The following SHISAL2B variants were observed in gnomAD, a reference collection of about 807,000 sequenced individuals.
SHISAL2B encodes the protein protein shisa-like-2B.
SHISAL2B carries 12 observed loss-of-function variants against 16.5 expected under a neutral mutation model. The ratio of observed to expected loss-of-function variants is 0.73; its 90% CI spans 0.47 to 1.18. The LOEUF (loss-of-function observed/expected upper bound fraction) is 1.18. Among genes scored for constraint, SHISAL2B ranks in the 50% most tolerant of loss-of-function variants. SHISAL2B has a pLI of 0.00. For missense variants in SHISAL2B, 183 were observed against 193.6 expected, an observed-to-expected ratio of 0.95 and a Z score of 0.33; for synonymous variants, 72 against 75.0, an observed-to-expected ratio of 0.96 and a Z score of 0.21.
chr5:64,717,538 T>C (rs1742074603), intron 2 of SHISAL2B, among the ~76,000 whole-genome samples: 1 of 152,202 alleles, frequency 6.6e-6, no homozygotes, highest in Non-Finnish European at 1.5e-5. Context: ...GTTACTATGA[T>C]TGGCTTTAGT....
At chr5:64,697,928 G>A (rs1741761738) in intron 2 of SHISAL2B, among the ~76,000 whole-genome samples, 2 of 152,190 alleles carry the variant, frequency 1.3e-5, no homozygotes, top group Non-Finnish European at 2.9e-5. Flanking sequence ...AGATCTCTCA[G>A]AGGGTATCCT....
chr5:64,690,513 T>G lies in SHISAL2B; in HGVS notation c.-111T>G. The G allele has an allele frequency of 1.2e-6, 1 of 838,660 alleles. No individual in the cohort carries two copies. The highest frequency in any genetic ancestry group is 3.0e-5 in the South Asian group (1 of 33,690). 52.0% of individuals were successfully genotyped at this position (838,660 alleles called of 1,614,324 possible). On this transcript the variant is annotated 5_prime_UTR_variant, in exon 1 of 3. Coordinates refer to ENST00000389074, the MANE Select transcript of SHISAL2B (RefSeq NM_001164442.2). ...AGCGCCCAGGCAGCCAGAGCCCAGA[T>G]CGGAAGAGCCGAGTCCGGGCAGAGG... is the stretch of plus-strand genomic sequence containing the variant.
chr5:64,696,485 G>A (rs1741737566), intron 2 of SHISAL2B, among the ~76,000 whole-genome samples: 1 of 152,140 alleles, frequency 6.6e-6, no homozygotes. Context: ...TTCTTGCAGA[G>A]AGCCTATAAA....
intron 2 of SHISAL2B, among the ~76,000 whole-genome samples, chr5:64,716,185 TTCAC>T (rs1304422138): frequency 6.6e-6 from 1 of 152,246 alleles, no homozygotes; most frequent in Admixed American, 6.5e-5. Flanking sequence ...GGTCACTTTC[TTCAC>T]TCACTAAAAG....
intron 2 of SHISAL2B, among the ~76,000 whole-genome samples, chr5:64,710,846 G>A: frequency 1.3e-5 from 1 of 79,126 alleles, no homozygotes; most frequent in Non-Finnish European, 2.3e-5. Flanking sequence ...TTTGTCTGTT[G>A]TTGGTGTATA....
At chr5:64,705,891 G>T (rs916879271) in intron 2 of SHISAL2B, among the ~76,000 whole-genome samples, 1 of 152,148 alleles carries the variant, frequency 6.6e-6, no homozygotes, top group Non-Finnish European at 1.5e-5. Context: ...GGGTGCAGTG[G>T]CTCACACCTG....
chr5:64,708,275 A>C (rs929499083), intron 2 of SHISAL2B, among the ~76,000 whole-genome samples: 1 of 152,142 alleles, frequency 6.6e-6, no homozygotes, highest in Non-Finnish European at 1.5e-5. Context: ...TCTCTTTTGC[A>C]CTTCTGGGGA....
intron 2 of SHISAL2B, among the ~76,000 whole-genome samples, chr5:64,696,563 C>G (rs995973349): frequency 5.9e-5 from 9 of 152,086 alleles, no homozygotes; most frequent in Non-Finnish European, 1.3e-4. Context: ...AATTAAGACC[C>G]TGGGAAAGGA....
chr5:64,714,119 T>C (rs9647526), intron 2 of SHISAL2B, among the ~76,000 whole-genome samples: 3 of 151,268 alleles, frequency 2.0e-5, no homozygotes, highest in South Asian at 4.2e-4. Context: ...AGGTGCTCTG[T>C]GTTTTAGAGT....
chr5:64,699,689 G>A (rs1341421557), intron 2 of SHISAL2B, among the ~76,000 whole-genome samples: 2 of 152,070 alleles, frequency 1.3e-5, no homozygotes, highest in Admixed American at 6.6e-5. Flanking sequence ...TTCATTATAG[G>A]AAATCTGAAT....
At chr5:64,703,980 CA>C (rs1272486774) in intron 2 of SHISAL2B, among the ~76,000 whole-genome samples, 2 of 151,880 alleles carry the variant, frequency 1.3e-5, no homozygotes, top group African/African-American at 4.8e-5. Context: ...CATCCTCTTA[CA>C]AATAAAAAAA....
chr5:64,714,706 G>A (rs1234485011), intron 2 of SHISAL2B, among the ~76,000 whole-genome samples: 4 of 152,188 alleles, frequency 2.6e-5, no homozygotes, highest in Admixed American at 6.5e-5. Context: ...CGTGGGCGTA[G>A]GACCCTCTGA....
Position 64,699,280 on chromosome 5 carries a change from T to C in SHISAL2B, c.349+3616T>C, listed in dbSNP as rs530687544. Among the ~76,000 whole-genome samples, 3 of 152,354 alleles carry C rather than the reference T, an allele frequency of 2.0e-5. No individual in the cohort carries two copies. In the South Asian group the frequency reaches 6.2e-4, roughly 32 times the overall value. ...TTCAAATGAGGTGATTTTGGTCTCT[T>C]GCATTGATTTTAACCAAATTAGATA... is the stretch of plus-strand genomic sequence containing the variant. On this transcript the variant is annotated intron_variant, in intron 2 of 2. Transcript: ENST00000389074.
At chr5:64,715,046 C>A (rs547067377) in intron 2 of SHISAL2B, among the ~76,000 whole-genome samples, 1 of 152,070 alleles carries the variant, frequency 6.6e-6, no homozygotes, top group Admixed American at 6.5e-5. Flanking sequence ...TGTTACTATT[C>A]GGCCATCTTG....
intron 2 of SHISAL2B, among the ~76,000 whole-genome samples, chr5:64,715,060 C>T (rs964053998): frequency 1.3e-5 from 2 of 152,040 alleles, no homozygotes; most frequent in Admixed American, 6.5e-5. Context: ...CATCTTGGCT[C>T]CCCCCACCGA....
At chr5:64,712,634 TG>T (rs1231006810) in intron 2 of SHISAL2B, among the ~76,000 whole-genome samples, 1 of 151,604 alleles carries the variant, frequency 6.6e-6, no homozygotes, top group Non-Finnish European at 1.5e-5. Context: ...ATGTTGACAG[TG>T]GGGTGTTAAA....
At position 64,690,533 on chromosome 5, in the gene SHISAL2B, C is replaced by T; in HGVS notation, c.-91C>T. ...CCAGATCGGAAGAGCCGAGTCCGGG[C>T]AGAGGGGTCCGCGGGCTCTGGAGGT... On this transcript the variant is annotated 5_prime_UTR_variant, in exon 1 of 3. Coordinates refer to ENST00000389074, the MANE Select transcript of SHISAL2B (RefSeq NM_001164442.2). 8.9e-7 allele frequency: 1 copy of T among 1,118,184 alleles called. No individual in the cohort carries two copies. The highest frequency in any genetic ancestry group is 1.2e-6 in the Non-Finnish European group (1 of 836,310). 69.3% of individuals were successfully genotyped at this position (1,118,184 alleles called of 1,614,324 possible). A position where few individuals can be genotyped will look rare whatever the true frequency, so the allele number is the denominator to read the frequency against.
At chr5:64,709,626 A>G (rs893296815) in intron 2 of SHISAL2B, among the ~76,000 whole-genome samples, 2 of 150,810 alleles carry the variant, frequency 1.3e-5, no homozygotes, top group African/African-American at 5.0e-5. Context: ...GACTTCCACA[A>G]TGGTTGAACT....
chr5:64,693,811 A>C (rs935001673), intron 1 of SHISAL2B, among the ~76,000 whole-genome samples: 3 of 152,194 alleles, frequency 2.0e-5, no homozygotes, highest in Non-Finnish European at 4.4e-5. Flanking sequence ...GTCACTCTAC[A>C]GTGACTCTAG....
Sources: gnomAD v4.1 joint callset for allele counts (sites outside exome capture counted in the v4.1 genomes callset) on GRCh38, gnomAD v4.1.1 for gene constraint, MANE v1.5 for transcripts, NCBI Gene and HGNC (gene_info 2026-07-23, HGNC 2026-07-21) for gene names.